SPMIP2: variants seen among roughly 807,000 people sequenced by gnomAD.
The protein encoded by SPMIP2 is protein SPMIP2.
the SPMIP2 span, among the ~76,000 whole-genome samples, chr4:158,901,483 G>C: frequency 6.6e-6 from 1 of 151,924 alleles, no homozygotes; most frequent in African/African-American, 2.4e-5. Context: ...TGCTCTTCTC[G>C]AGGAGTATCT....
the SPMIP2 span, among the ~76,000 whole-genome samples, chr4:158,975,866 T>C: frequency 1.3e-5 from 2 of 152,298 alleles, no homozygotes; most frequent in East Asian, 1.9e-4. Context: ...GGGGATAGTA[T>C]TGAATGTATA....
the SPMIP2 span, among the ~76,000 whole-genome samples, chr4:159,037,783 T>TACACAC: frequency 2.3e-3 from 225 of 97,628 alleles, no homozygotes; most frequent in African/African-American, 7.4e-3. Context: ...AAAAACAATA[T>TACACAC]ATACACACAC....
the SPMIP2 span, among the ~76,000 whole-genome samples, chr4:158,894,416 C>CCTA: frequency 9.0e-4 from 137 of 152,198 alleles, 2 homozygotes; most frequent in Non-Finnish European, 1.6e-3. Flanking sequence ...AAGTGATCCT[C>CCTA]CTACCTCAGC....
chr4:158,936,907 GCTC>G, the SPMIP2 span, among the ~76,000 whole-genome samples: 1 of 152,192 alleles, frequency 6.6e-6, no homozygotes, highest in African/African-American at 2.4e-5. Flanking sequence ...GTCCTTCTCT[GCTC>G]CTTTTTATTC....
the SPMIP2 span, among the ~76,000 whole-genome samples, chr4:159,081,682 G>A: frequency 6.6e-6 from 1 of 151,902 alleles, no homozygotes; most frequent in African/African-American, 2.4e-5. Flanking sequence ...GTGACAGAGT[G>A]AGACTCTGTC....
the SPMIP2 span, among the ~76,000 whole-genome samples, chr4:159,024,620 T>G: frequency 6.6e-6 from 1 of 152,182 alleles, no homozygotes; most frequent in Non-Finnish European, 1.5e-5. Flanking sequence ...CAGAGGCCCC[T>G]AATGAGATCT....
At chr4:159,079,409 GA>G in the SPMIP2 span, among the ~76,000 whole-genome samples, 7 of 152,176 alleles carry the variant, frequency 4.6e-5, no homozygotes, top group Non-Finnish European at 8.8e-5. Context: ...ACCAGACACC[GA>G]ATCTGCTGGT....
the SPMIP2 span, among the ~76,000 whole-genome samples, chr4:158,895,223 G>A: frequency 6.6e-6 from 1 of 152,170 alleles, no homozygotes. Context: ...AGTTGTGGGG[G>A]AGGTTCAAAA....
chr4:158,900,412 G>A, the SPMIP2 span, among the ~76,000 whole-genome samples: 5 of 151,922 alleles, frequency 3.3e-5, no homozygotes, highest in South Asian at 2.1e-4. Flanking sequence ...TTTCTGTCTC[G>A]TTGATCTAAT....
At chr4:159,044,959 C>T in the SPMIP2 span, among the ~76,000 whole-genome samples, 3 of 151,984 alleles carry the variant, frequency 2.0e-5, no homozygotes, top group African/African-American at 7.3e-5. Flanking sequence ...AGTGTGATGG[C>T]AGCTGCCTGT....
chr4:158,982,995 C>A, the SPMIP2 span, among the ~76,000 whole-genome samples: 1 of 151,936 alleles, frequency 6.6e-6, no homozygotes, highest in Non-Finnish European at 1.5e-5. Flanking sequence ...AGCCAAGGCT[C>A]GAGAACTATG....
the SPMIP2 span, among the ~76,000 whole-genome samples, chr4:158,950,395 G>A: frequency 4.6e-5 from 7 of 152,160 alleles, no homozygotes; most frequent in East Asian, 1.3e-3. Flanking sequence ...AGCTTCTCAA[G>A]CCTAAACCAC....
At chr4:159,026,455 G>A in the SPMIP2 span, 1 of 884,164 alleles carries the variant, frequency 1.1e-6, no homozygotes, top group Non-Finnish European at 1.8e-6. Flanking sequence ...AAAATTGAAA[G>A]ATGGGAAATT....
the SPMIP2 span, among the ~76,000 whole-genome samples, chr4:159,006,361 G>A: frequency 6.6e-6 from 1 of 152,340 alleles, no homozygotes; most frequent in South Asian, 2.1e-4. Flanking sequence ...ATGTTTACGC[G>A]AGATGAAAAG....
At chr4:158,935,563 CA>C in the SPMIP2 span, among the ~76,000 whole-genome samples, 16 of 151,246 alleles carry the variant, frequency 1.1e-4, no homozygotes, top group South Asian at 2.1e-3. Context: ...TCTAATGATA[CA>C]AAAAAAAAGT....
chr4:158,973,138 TCCAA>T, the SPMIP2 span: 9 of 1,612,100 alleles, frequency 5.6e-6, no homozygotes, highest in South Asian at 9.9e-5. Flanking sequence ...TGTGGTATTC[TCCAA>T]CCAATTTCAC....
At chr4:158,949,406 A>G in the SPMIP2 span, among the ~76,000 whole-genome samples, 6 of 152,306 alleles carry the variant, frequency 3.9e-5, no homozygotes, top group East Asian at 9.6e-4. Context: ...ATTTAACAAC[A>G]CTATCTATAC....
At chr4:158,974,879 G>A in the SPMIP2 span, among the ~76,000 whole-genome samples, 3 of 152,206 alleles carry the variant, frequency 2.0e-5, no homozygotes, top group African/African-American at 4.8e-5. Flanking sequence ...TTGAGGAATC[G>A]CCACACTGTC....
At chr4:159,022,086 A>G in the SPMIP2 span, among the ~76,000 whole-genome samples, 1 of 152,226 alleles carries the variant, frequency 6.6e-6, no homozygotes, top group Non-Finnish European at 1.5e-5. Flanking sequence ...GGTGATAGCT[A>G]CTTAGCTTGT....
Sources: allele counts gnomAD v4.1 joint callset (sites outside exome capture counted in the v4.1 genomes callset), GRCh38; gene constraint gnomAD v4.1.1; transcripts MANE v1.5; gene names NCBI Gene and HGNC (gene_info 2026-07-23, HGNC 2026-07-21).